OSBP2: variants seen among roughly 807,000 people sequenced by gnomAD.
OSBP2 encodes oxysterol binding protein 2.
In OSBP2, 66 loss-of-function variants were observed where a neutral mutation model predicts 96.0. That is an observed-to-expected ratio of 0.69 (90% CI 0.56 to 0.84). The LOEUF (loss-of-function observed/expected upper bound fraction) is 0.84, where lower values mean the gene tolerates loss of function less well. Among genes scored for constraint, OSBP2 ranks in the 40% least tolerant of loss-of-function variants. The pLI is 0.00. For synonymous variants in OSBP2, 525 were observed against 520.9 expected (o/e 1.01, Z -0.11); for missense variants, 1,038 against 1,222.7 (o/e 0.85, Z 2.25).
chr22:30,907,252 C>G lies in OSBP2; in HGVS notation c.*913C>G, dbSNP rs2040352127. 1 of 152,570 alleles carries G rather than the reference C, an allele frequency of 6.6e-6. No individual in the cohort carries two copies. Among genetic ancestry groups the G allele is most frequent in the African/African-American group, 2.4e-5 (1 of 41,418 alleles). 9.5% of individuals were successfully genotyped at this position (152,570 alleles called of 1,614,324 possible). A position where few individuals can be genotyped will look rare whatever the true frequency, so the allele number is the denominator to read the frequency against. Reference sequence around the variant, plus strand: ...GGGCACCAGAGACCTTGCATCCCTCCTCATCCTAGGAGGCCCCTAGGGGTG... The same window carrying G: ...GGGCACCAGAGACCTTGCATCCCTCGTCATCCTAGGAGGCCCCTAGGGGTG... On this transcript the variant is annotated 3_prime_UTR_variant, in exon 14 of 14. Coordinates refer to ENST00000332585, the MANE Select transcript of OSBP2 (RefSeq NM_030758.4).
chr22:30,771,513 C>T (rs2090346939), intron 2 of OSBP2, among the ~76,000 whole-genome samples: 1 of 152,198 alleles, frequency 6.6e-6, no homozygotes, highest in South Asian at 2.1e-4. Flanking sequence ...AACACAGTGG[C>T]ACCTGCAGCC....
In OSBP2 at chr22:30,815,414, A is replaced by AT. The variant is rs547637718; in HGVS notation, c.854-55014dup. Among the ~76,000 whole-genome samples the AT allele has an allele frequency of 1.6e-3, 249 of 152,198 alleles. 1 individual carries two copies. Among genetic ancestry groups the AT allele is most frequent in the Middle Eastern group, 6.8e-3 (2 of 294 alleles). On this transcript the variant is annotated intron_variant, in intron 2 of 13. Coordinates refer to ENST00000332585, the MANE Select transcript of OSBP2 (RefSeq NM_030758.4). ...CCTGGGCAGGACACCTACTCCTTCG[A>AT]TATCTTCTGTACTTCCTCTGTCCTC...
intron 12 of OSBP2, among the ~76,000 whole-genome samples, chr22:30,898,794 C>T (rs1056372086): frequency 6.6e-5 from 10 of 151,432 alleles, no homozygotes; most frequent in East Asian, 1.9e-4. Context: ...AAGGCTGAGG[C>T]GGGAGGATTG....
intron 1 of OSBP2, among the ~76,000 whole-genome samples, chr22:30,713,223 C>T (rs909479695): frequency 7.2e-4 from 110 of 151,794 alleles, no homozygotes; most frequent in African/African-American, 2.3e-3. Context: ...GGACTACAGG[C>T]GCCCGCCACC....
chr22:30,859,242 T>G (rs2039155471), intron 2 of OSBP2, among the ~76,000 whole-genome samples: 1 of 152,230 alleles, frequency 6.6e-6, no homozygotes. Flanking sequence ...TAGTTTCCAG[T>G]GACCTGCTCA....
At chr22:30,748,987 A>G (rs1282924315) in intron 2 of OSBP2, among the ~76,000 whole-genome samples, 2 of 152,164 alleles carry the variant, frequency 1.3e-5, no homozygotes, top group Admixed American at 1.3e-4. Flanking sequence ...ATAGTAGCGC[A>G]CGCCTGTAAT....
chr22:30,735,106 T>A (rs1399597643), intron 1 of OSBP2, among the ~76,000 whole-genome samples: 1 of 152,146 alleles, frequency 6.6e-6, no homozygotes, highest in Non-Finnish European at 1.5e-5. Context: ...ACAGGAGGAT[T>A]GTTTGAGCGC....
At chr22:30,755,557 C>T (rs1234665366) in intron 2 of OSBP2, among the ~76,000 whole-genome samples, 1 of 152,160 alleles carries the variant, frequency 6.6e-6, no homozygotes, top group South Asian at 2.1e-4. Context: ...CTTTTGACTT[C>T]GGGAAGCTTT....
chr22:30,775,958 G>T (rs945994091), intron 2 of OSBP2, among the ~76,000 whole-genome samples: 1 of 151,666 alleles, frequency 6.6e-6, no homozygotes, highest in African/African-American at 2.4e-5. Context: ...ACCACACCTG[G>T]CTAATTTTTG....
chr22:30,872,313 C>T (rs762056432), intron 3 of OSBP2: 5 of 456,528 alleles, frequency 1.1e-5, no homozygotes, highest in Non-Finnish European at 2.2e-5. Flanking sequence ...TCCCAGAAGC[C>T]ACTGCCGGAG....
chr22:30,720,969 A>C (rs138153739), intron 1 of OSBP2, among the ~76,000 whole-genome samples: 1 of 152,138 alleles, frequency 6.6e-6, no homozygotes. Flanking sequence ...TCACGCCTGT[A>C]ATCCCAACAC....
At chr22:30,716,628 G>A (rs2089460706) in intron 1 of OSBP2, among the ~76,000 whole-genome samples, 1 of 151,430 alleles carries the variant, frequency 6.6e-6, no homozygotes, top group Non-Finnish European at 1.5e-5. Context: ...TGTAGAGATG[G>A]GATTTCACCA....
intron 1 of OSBP2, among the ~76,000 whole-genome samples, chr22:30,735,757 C>G (rs549175977): frequency 2.6e-5 from 4 of 152,160 alleles, no homozygotes; most frequent in Non-Finnish European, 5.9e-5. Context: ...TCATCTCACT[C>G]TGTTGACCAG....
chr22:30,694,221 T>C, upstream of OSBP2: 3 of 1,549,950 alleles, frequency 1.9e-6, no homozygotes, highest in Non-Finnish European at 2.6e-6. Flanking sequence ...ACCCGAACGA[T>C]GTCGTCACTG....
At chr22:30,756,427 G>A (rs1230806618) in intron 2 of OSBP2, among the ~76,000 whole-genome samples, 3 of 152,132 alleles carry the variant, frequency 2.0e-5, no homozygotes, top group African/African-American at 7.2e-5. Context: ...GGTGTCTCAC[G>A]CCTGTAACCC....
intron 2 of OSBP2, among the ~76,000 whole-genome samples, chr22:30,817,373 G>A (rs920558029): frequency 1.3e-5 from 2 of 152,224 alleles, no homozygotes; most frequent in Admixed American, 1.3e-4. Context: ...TGAGCCCAAG[G>A]CCAGGAGGGG....
intron 2 of OSBP2, among the ~76,000 whole-genome samples, chr22:30,828,243 TTGTC>T (rs2038445247): frequency 6.6e-6 from 1 of 152,164 alleles, no homozygotes; most frequent in Non-Finnish European, 1.5e-5. Context: ...AAGACAGAAT[TTGTC>T]TTTTCCGTTA....
intron 3 of OSBP2, among the ~76,000 whole-genome samples, chr22:30,879,601 C>T (rs1237539172): frequency 6.6e-6 from 1 of 152,206 alleles, no homozygotes; most frequent in Admixed American, 6.5e-5. Context: ...AGCATGACAG[C>T]TTGGCTGGGC....
intron 2 of OSBP2, among the ~76,000 whole-genome samples, chr22:30,868,589 G>A (rs542455530): frequency 6.6e-6 from 1 of 152,228 alleles, no homozygotes; most frequent in Non-Finnish European, 1.5e-5. Flanking sequence ...CTTCCTTCTG[G>A]GCTGCTGGGG....
Sources: gnomAD v4.1 joint callset for allele counts (sites outside exome capture counted in the v4.1 genomes callset) on GRCh38, gnomAD v4.1.1 for gene constraint, MANE v1.5 for transcripts, NCBI Gene and HGNC (gene_info 2026-07-23, HGNC 2026-07-21) for gene names.